TRIM9: variants seen among roughly 807,000 people sequenced by gnomAD.
TRIM9 encodes the protein E3 ubiquitin-protein ligase TRIM9.
Under a neutral mutation model 78.3 loss-of-function variants are expected in TRIM9, and 26 were observed. That is an observed-to-expected ratio of 0.33 (90% CI 0.24 to 0.46). The LOEUF (loss-of-function observed/expected upper bound fraction) is 0.46, where lower values mean the gene tolerates loss of function less well. Ranked by LOEUF, TRIM9 falls within the 20% of genes least tolerant of loss-of-function variation. The pLI is 1.00. For synonymous variants in TRIM9, 398 were observed against 416.5 expected (o/e 0.96, Z 0.54); for missense variants, 787 against 1,036.4 (o/e 0.76, Z 3.30).
At position 50,976,399 on chromosome 14, in the gene TRIM9, T is replaced by C. The variant is rs1024622697; in HGVS notation, c.*892A>G. The C allele has an allele frequency of 2.6e-5, 4 of 152,312 alleles. No homozygotes were observed. Among genetic ancestry groups the C allele is most frequent in the African/African-American group, 9.6e-5 (4 of 41,564 alleles). The allele number at this position is 152,312 out of a possible 1,614,324, so 9.4% of individuals were successfully genotyped here. A position where few individuals can be genotyped will look rare whatever the true frequency, so the allele number is the denominator to read the frequency against. ...TACATATGACCATTTATAATTATTT[T>C]ATTTTTGCTTTTTCTCCTACTGGAA... On this transcript the variant is annotated 3_prime_UTR_variant, in exon 13 of 13. Transcript: ENST00000684578.
rs1413230709 is a variant in TRIM9 at position 50,982,930 on chromosome 14, G to T, written c.1858+12C>A. ...CTTTGCTATTTGGTAACAGAATAAG[G>T]TTATTCCATACCTGCCAACAGCTTT... On this transcript the variant is annotated intron_variant, in intron 10 of 12. Transcript: ENST00000684578. The T allele has an allele frequency of 6.5e-7, 1 of 1,547,734 alleles. No homozygotes were observed. Among genetic ancestry groups the T allele is most frequent in the East Asian group, 2.4e-5 (1 of 40,842 alleles).
chr14:51,036,672 AT>A (rs915944461), intron 1 of TRIM9, among the ~76,000 whole-genome samples: 56 of 152,120 alleles, frequency 3.7e-4, no homozygotes, highest in Non-Finnish European at 6.8e-4. Context: ...AGGCTCAATT[AT>A]TTTTTTCTCA....
chr14:51,032,566 G>A (rs1412245398), intron 1 of TRIM9, among the ~76,000 whole-genome samples: 2 of 152,326 alleles, frequency 1.3e-5, no homozygotes, highest in Non-Finnish European at 2.9e-5. Flanking sequence ...CTTGTAGTAG[G>A]ATTGGTTGAG....
chr14:51,065,814 G>A (rs2061684065), intron 1 of TRIM9, among the ~76,000 whole-genome samples: 1 of 152,034 alleles, frequency 6.6e-6, no homozygotes, highest in Non-Finnish European at 1.5e-5. Flanking sequence ...AAGCTGCTAT[G>A]CCCTTCAGAG....
intron 3 of TRIM9, among the ~76,000 whole-genome samples, chr14:51,016,013 C>T (rs17123497): frequency 0.031 from 4,720 of 152,198 alleles, 129 homozygotes; most frequent in African/African-American, 0.055. Flanking sequence ...AGGTCCGGTA[C>T]AGTTGTCTCC....
intron 1 of TRIM9, among the ~76,000 whole-genome samples, chr14:51,031,485 G>A (rs1435136926): frequency 6.6e-6 from 1 of 152,284 alleles, no homozygotes; most frequent in Non-Finnish European, 1.5e-5. Flanking sequence ...CACCCAGATG[G>A]ATTTCATACA....
At chr14:51,015,420 C>T (rs974615264) in intron 3 of TRIM9, among the ~76,000 whole-genome samples, 42 of 151,962 alleles carry the variant, frequency 2.8e-4, no homozygotes, top group African/African-American at 9.2e-4. Flanking sequence ...CCCCCACCTC[C>T]ATTTACCTCT....
chr14:51,025,130 T>C (rs962453939), intron 2 of TRIM9, 135 bp downstream of exon 2: 1 of 781,698 alleles, frequency 1.3e-6, no homozygotes. Context: ...TGTGTTTGTA[T>C]GTAAAGAACA....
intron 11 of TRIM9, 116 bp downstream of exon 11, chr14:50,981,684 T>G (rs1241063931): frequency 2.2e-6 from 3 of 1,366,906 alleles, no homozygotes; most frequent in Non-Finnish European, 3.0e-6. Flanking sequence ...CTACTTAATG[T>G]AGACCACCTG....
At chr14:51,060,285 T>A (rs567722524) in intron 1 of TRIM9, among the ~76,000 whole-genome samples, 1 of 152,348 alleles carries the variant, frequency 6.6e-6, no homozygotes, top group South Asian at 2.1e-4. Flanking sequence ...TCAGCCTAAC[T>A]TCCTATGACC....
intron 7 of TRIM9, among the ~76,000 whole-genome samples, chr14:50,992,174 C>T (rs1016971989): frequency 1.3e-5 from 2 of 152,180 alleles, no homozygotes; most frequent in African/African-American, 2.4e-5. Context: ...GAGGTGTTCC[C>T]TGTAGTTGTT....
At position 51,064,310 on chromosome 14, in the gene TRIM9, T is replaced by C. The variant is rs143533873; in HGVS notation, c.822+29808A>G. 2.3e-4 allele frequency among the ~76,000 whole-genome samples: 35 copies of C among 151,968 alleles called. No individual in the cohort carries two copies. In the East Asian group the frequency reaches 6.2e-3, roughly 27 times the overall value. ...CAATAGATAAATTATAATTAAATAG[T>C]AAAAATTACAAACAAGCAATAAGCA... On this transcript the variant is annotated intron_variant, in intron 1 of 12. Transcript: ENST00000684578.
At chr14:51,045,440 G>A (rs975400873) in intron 1 of TRIM9, among the ~76,000 whole-genome samples, 19 of 152,206 alleles carry the variant, frequency 1.2e-4, no homozygotes. Flanking sequence ...CTGAAGAGGG[G>A]CTGAGTCACC....
intron 7 of TRIM9, chr14:50,997,599 A>T (rs2054390035): frequency 3.0e-6 from 3 of 1,009,342 alleles, no homozygotes; most frequent in Non-Finnish European, 1.2e-6. Flanking sequence ...AGTCATACAA[A>T]TCCACGACTG....
At chr14:51,070,602 A>C (rs1361529091) in intron 1 of TRIM9, among the ~76,000 whole-genome samples, 1 of 151,802 alleles carries the variant, frequency 6.6e-6, no homozygotes, top group Non-Finnish European at 1.5e-5. Flanking sequence ...GAAATGCTTC[A>C]ATGAGCATTA....
intron 1 of TRIM9, among the ~76,000 whole-genome samples, chr14:51,081,904 C>T (rs1566647385): frequency 6.6e-6 from 1 of 152,206 alleles, no homozygotes; most frequent in Non-Finnish European, 1.5e-5. Flanking sequence ...GTTCTCTAAC[C>T]TGGAAACTTT....
At chr14:51,002,136 T>C (rs1335417078) in intron 5 of TRIM9, among the ~76,000 whole-genome samples, 2 of 152,180 alleles carry the variant, frequency 1.3e-5, no homozygotes, top group South Asian at 4.1e-4. Context: ...TTTTTCTTTT[T>C]TTTGAGACGC....
intron 1 of TRIM9, among the ~76,000 whole-genome samples, chr14:51,034,335 G>A (rs1435294168): frequency 6.6e-6 from 1 of 152,062 alleles, no homozygotes; most frequent in African/African-American, 2.4e-5. Context: ...TAGGAAAAGA[G>A]CAATAAGAAG....
chr14:51,008,087 G>T (rs2056070378), intron 5 of TRIM9, among the ~76,000 whole-genome samples: 1 of 152,128 alleles, frequency 6.6e-6, no homozygotes, highest in African/African-American at 2.4e-5. Flanking sequence ...TAAAAAATCA[G>T]CAAATGACAA....
Sources: gnomAD v4.1 joint callset for allele counts (sites outside exome capture counted in the v4.1 genomes callset) on GRCh38, gnomAD v4.1.1 for gene constraint, MANE v1.5 for transcripts, NCBI Gene and HGNC (gene_info 2026-07-23, HGNC 2026-07-21) for gene names.